The following ZSWIM4 variants were observed in gnomAD, a reference collection of about 807,000 sequenced individuals.
ZSWIM4 encodes zinc finger SWIM domain-containing protein 4.
ZSWIM4 carries 62 observed loss-of-function variants against 102.5 expected under a neutral mutation model. The ratio of observed to expected loss-of-function variants is 0.60; its 90% CI spans 0.49 to 0.75. The LOEUF (loss-of-function observed/expected upper bound fraction) is 0.75, where lower values mean the gene tolerates loss of function less well. ZSWIM4 is among the 30% of genes least tolerant of loss of function. ZSWIM4 has a pLI of 0.00. For synonymous variants in ZSWIM4, 652 were observed against 674.5 expected (o/e 0.97, Z 0.52); for missense variants, 1,280 against 1,529.6 (o/e 0.84, Z 2.72).
In ZSWIM4 at chr19:13,813,093, TCTG is replaced by T. The variant is rs1975153393; in HGVS notation, c.1111_1113del (p.Cys371del). 6.2e-7 allele frequency: 1 copy of T among 1,613,946 alleles called. No individual in the cohort carries two copies. Among genetic ancestry groups the T allele is most frequent in the African/African-American group, 1.3e-5 (1 of 75,026 alleles). On this transcript the variant is annotated inframe_deletion, in exon 6 of 14. Transcript: ENST00000590508. ...CTCAGCAGGTGGGACAAGCTCGACG[TCTG>T]CCCACTGGAAGAGGGCAACTACTCC...
rs1441755793 is a variant in ZSWIM4 at position 13,831,185 on chromosome 19, GAGC to G, written c.*140_*142del. On this transcript the variant is annotated 3_prime_UTR_variant, in exon 14 of 14. Coordinates refer to ENST00000590508, the MANE Select transcript of ZSWIM4 (RefSeq NM_001367834.3). ...GCCCGGCTGGAGATGGGGGCAGGGG[GAGC>G]AGCATCCTGCCACGTGTGTGCCTGG... 1 of 1,182,408 alleles carries G rather than the reference GAGC, an allele frequency of 8.5e-7. No individual in the cohort carries two copies. The highest frequency in any genetic ancestry group is 1.2e-6 in the Non-Finnish European group (1 of 862,578). 73.2% of individuals were successfully genotyped at this position (1,182,408 alleles called of 1,614,324 possible). A position where few individuals can be genotyped will look rare whatever the true frequency, so the allele number is the denominator to read the frequency against.
intron 2 of ZSWIM4, among the ~76,000 whole-genome samples, chr19:13,802,929 A>C (rs1307890300): frequency 6.6e-6 from 1 of 152,186 alleles, no homozygotes; most frequent in Non-Finnish European, 1.5e-5. Flanking sequence ...CCTCAAGCTA[A>C]GAAAACAAAA....
chr19:13,814,482 C>A (rs752553964), intron 6 of ZSWIM4, 33 bp from the exon 7 acceptor site: 123 of 1,117,128 alleles, frequency 1.1e-4, no homozygotes, highest in Non-Finnish European at 1.3e-4. Flanking sequence ...AGGGACCCCC[C>A]CTCACTGAGC....
At chr19:13,805,614 G>T (rs1050630396) in intron 3 of ZSWIM4, among the ~76,000 whole-genome samples, 2 of 151,952 alleles carry the variant, frequency 1.3e-5, no homozygotes, top group Admixed American at 6.6e-5. Context: ...CTAGGATGGG[G>T]AAGGTGAGTA....
chr19:13,798,195 A>G (rs991875268), intron 1 of ZSWIM4, among the ~76,000 whole-genome samples: 1 of 151,882 alleles, frequency 6.6e-6, no homozygotes, highest in East Asian at 1.9e-4. Context: ...TGATTGCGCA[A>G]TGACACAATC....
Position 13,809,220 on chromosome 19 carries a change from G to C in ZSWIM4, c.1012G>C (p.Gly338Arg). Residue 338 changes from glycine (G) to arginine (R), a missense_variant and splice_region_variant, in exon 5 of 14, where the codon GGG becomes CGG. Coordinates refer to ENST00000590508, the MANE Select transcript of ZSWIM4 (RefSeq NM_001367834.3). This position sits in a 1 kb window ranked among gnomAD's most constrained non-coding sequence, Gnocchi z 4.2. ...GTGCCGGCAGCTCTGGGATGAGCTG[G>C]GTGAGGCCCAAACCCCGGTGCGTGG... ...DKCRQLWDEL[G>R]ALWVCVVLSP... 1 of 1,599,694 alleles carries C rather than the reference G, an allele frequency of 6.3e-7. No homozygotes were observed. The highest frequency in any genetic ancestry group is 8.5e-7 in the Non-Finnish European group (1 of 1,173,278).
At position 13,817,198 on chromosome 19, in the gene ZSWIM4, C is replaced by G; in HGVS notation, c.1532-18C>G. 1 of 1,602,628 alleles carries G rather than the reference C, an allele frequency of 6.2e-7. No homozygotes were observed. The highest frequency in any genetic ancestry group is 1.1e-5 in the South Asian group (1 of 90,416). The stretch of plus-strand genomic sequence containing the variant: ...TGGGCAGGTGTGTGGGCATTGAGCC[C>G]CCTCTTTCCACCTGCAGAGCTGCTC... On this transcript the variant is annotated intron_variant, in intron 7 of 13. Coordinates refer to ENST00000590508, the MANE Select transcript of ZSWIM4 (RefSeq NM_001367834.3).
At chr19:13,802,387 C>T (rs1974797129) in intron 2 of ZSWIM4, among the ~76,000 whole-genome samples, 2 of 151,468 alleles carry the variant, frequency 1.3e-5, no homozygotes, top group Admixed American at 6.6e-5. Context: ...GGAGTTCAGC[C>T]TGGCCAACAT....
At chr19:13,811,446 C>T (rs1975088655) in intron 5 of ZSWIM4, among the ~76,000 whole-genome samples, 3 of 151,384 alleles carry the variant, frequency 2.0e-5, no homozygotes, top group Non-Finnish European at 4.4e-5. Flanking sequence ...AGGGGGATCA[C>T]TTGGGCCCCG....
rs540919614 is a variant in ZSWIM4, at chr19:13,831,735, A to G, written c.*685A>G. The G allele has an allele frequency of 6.6e-6, 1 of 152,530 alleles. No individual in the cohort carries two copies. The highest frequency in any genetic ancestry group is 1.5e-5 in the Non-Finnish European group (1 of 68,006). 9.4% of individuals were successfully genotyped at this position (152,530 alleles called of 1,614,324 possible). On this transcript the variant is annotated 3_prime_UTR_variant, in exon 14 of 14. Coordinates refer to ENST00000590508, the MANE Select transcript of ZSWIM4 (RefSeq NM_001367834.3). ...AACTCAGGAACTGAGCGAGGCTCAC[A>G]CTGCCCCTTCCAACCTGGGGTTGGG...
Position 13,808,868 on chromosome 19 carries a change from G to T in ZSWIM4, c.745G>T (p.Glu249Ter). ...AGACCCCACCGCCGGCGCAGGAATC[G>T]AGGACGCCAACTGCTGGCACCTGGA... ...APDPTAGAGI[E>*]DANCWHLDEE... is the part of the protein sequence containing the mutation. Residue 249 changes from glutamate (E) to a stop codon, truncating the protein, a stop_gained, in exon 4 of 14, where the codon GAG becomes TAG. Transcript: ENST00000590508. LOFTEE classifies it high-confidence loss of function. 6.2e-7 allele frequency: 1 copy of T among 1,611,166 alleles called. No individual in the cohort carries two copies. Among genetic ancestry groups the T allele is most frequent in the Non-Finnish European group, 8.5e-7 (1 of 1,178,942 alleles).
intron 1 of ZSWIM4, among the ~76,000 whole-genome samples, chr19:13,797,727 A>T (rs1361675671): frequency 1.3e-5 from 2 of 152,140 alleles, no homozygotes; most frequent in Non-Finnish European, 2.9e-5. Context: ...ATCTCGGCTC[A>T]CTGTAGCCTC....
intron 5 of ZSWIM4, among the ~76,000 whole-genome samples, chr19:13,810,513 G>A (rs1185580478): frequency 1.3e-5 from 2 of 151,394 alleles, no homozygotes; most frequent in Admixed American, 1.3e-4. Flanking sequence ...GGCTGGTCTC[G>A]AACTCCTGTC....
At chr19:13,821,284 CAA>C (rs796387107) in intron 10 of ZSWIM4, among the ~76,000 whole-genome samples, 26 of 62,178 alleles carry the variant, frequency 4.2e-4, no homozygotes, top group Admixed American at 7.1e-4. Context: ...ACTCTGTCTC[CAA>C]AAAAAAAAAA....
rs1975734505 is a variant in ZSWIM4, at chr19:13,830,564, C to T, written c.2835C>T (p.Ala945=). The T allele has an allele frequency of 6.3e-7, 1 of 1,599,706 alleles. No homozygotes were observed. Among genetic ancestry groups the T allele is most frequent in the Non-Finnish European group, 8.5e-7 (1 of 1,179,696 alleles). Residue 945 remains alanine, a synonymous_variant, in exon 14 of 14, where the codon GCC becomes GCT. Coordinates refer to ENST00000590508, the MANE Select transcript of ZSWIM4 (RefSeq NM_001367834.3). ...GGGCCTACAAGCTGGCGACGCTGGC[C>T]CTGGCGCAGCTCAGCATCGCCTTCA... ...PLRAYKLATL[A]LAQLSIAFNQ...
chr19:13,816,214 G>A (rs72995377), intron 7 of ZSWIM4, among the ~76,000 whole-genome samples: 4,614 of 152,188 alleles, frequency 0.03, 87 homozygotes, highest in Non-Finnish European at 0.045. Flanking sequence ...AAAGTGTGTC[G>A]TGGAGGAAAC....
chr19:13,810,454 A>T (rs1975047898), intron 5 of ZSWIM4, among the ~76,000 whole-genome samples: 1 of 150,228 alleles, frequency 6.7e-6, no homozygotes, highest in African/African-American at 2.5e-5. Flanking sequence ...CACCATGCCT[A>T]GCTAATTATT....
intron 1 of ZSWIM4, chr19:13,796,620 C>T (rs114903871): frequency 6.6e-6 from 1 of 152,438 alleles, no homozygotes; most frequent in Non-Finnish European, 1.5e-5. Context: ...CCTATCTCTT[C>T]CCATAGGAAA....
At chr19:13,808,797 C>A in intron 3 of ZSWIM4, 39 bp from the exon 4 acceptor site, 1 of 1,545,496 alleles carries the variant, frequency 6.5e-7, no homozygotes, top group Non-Finnish European at 8.8e-7. Flanking sequence ...ACCCCAACTC[C>A]AGCCCCAGCC....
Sources: gnomAD v4.1 joint callset for allele counts (sites outside exome capture counted in the v4.1 genomes callset) on GRCh38, gnomAD v4.1.1 for gene constraint, Gnocchi (gnomAD v3.1) non-coding constraint, MANE v1.5 for transcripts, NCBI Gene and HGNC (gene_info 2026-07-23, HGNC 2026-07-21) for gene names.